The following ADAM23 variants were observed in gnomAD, a reference collection of about 807,000 sequenced individuals.
The protein encoded by ADAM23 is disintegrin and metalloproteinase domain-containing protein 23.
A neutral mutation model predicts 120.1 loss-of-function variants in ADAM23; 33 were observed. The observed-to-expected ratio is 0.27, with a 90% CI of 0.21 to 0.37. The LOEUF (loss-of-function observed/expected upper bound fraction) is 0.37, where lower values mean the gene tolerates loss of function less well. ADAM23 is among the 10% of genes least tolerant of loss of function. ADAM23 has a pLI of 1.00. For synonymous variants in ADAM23, 367 were observed against 375.2 expected (o/e 0.98, Z 0.25); for missense variants, 862 against 1,058.2 (o/e 0.81, Z 2.57).
chr2:206,508,289 G>A (rs1003604245), intron 3 of ADAM23, among the ~76,000 whole-genome samples: 3 of 152,194 alleles, frequency 2.0e-5, no homozygotes, highest in African/African-American at 7.2e-5. Context: ...GCCTCCTGAA[G>A]TGCTGGGATT....
intron 8 of ADAM23, among the ~76,000 whole-genome samples, chr2:206,549,493 G>T (rs879451946): frequency 6.6e-6 from 1 of 151,886 alleles, no homozygotes; most frequent in Non-Finnish European, 1.5e-5. Context: ...TACTCTTAAA[G>T]AATTATCTAG....
chr2:206,522,184 AT>A (rs2105790961), intron 3 of ADAM23, among the ~76,000 whole-genome samples: 1 of 152,112 alleles, frequency 6.6e-6, no homozygotes, highest in East Asian at 1.9e-4. Context: ...ACATATATAA[AT>A]AAATTCAACT....
At chr2:206,542,207 A>G in intron 5 of ADAM23, 73 bp downstream of exon 5, 10 of 1,454,442 alleles carry the variant, frequency 6.9e-6, no homozygotes, top group Non-Finnish European at 9.6e-6. Context: ...TATATATTTT[A>G]GTGACTCTTC....
At chr2:206,554,026 A>G (rs1697588550) in intron 9 of ADAM23, among the ~76,000 whole-genome samples, 1 of 152,208 alleles carries the variant, frequency 6.6e-6, no homozygotes, top group African/African-American at 2.4e-5. Context: ...CTGATCAGAA[A>G]TGTGAAAGTA....
At chr2:206,505,708 A>G (rs1313727976) in intron 3 of ADAM23, among the ~76,000 whole-genome samples, 1 of 152,152 alleles carries the variant, frequency 6.6e-6, no homozygotes, top group African/African-American at 2.4e-5. Flanking sequence ...TACCTTCAAC[A>G]TTGGGGATTA....
intron 3 of ADAM23, among the ~76,000 whole-genome samples, chr2:206,499,035 T>G (rs560240244): frequency 0.018 from 2,793 of 152,210 alleles, 35 homozygotes; most frequent in Middle Eastern, 0.034. Context: ...GGAACACTTT[T>G]ACACTGTTGG....
intron 6 of ADAM23, among the ~76,000 whole-genome samples, chr2:206,543,766 C>CACACACA (rs2105808333): frequency 6.6e-6 from 1 of 152,198 alleles, no homozygotes; most frequent in African/African-American, 2.4e-5. Flanking sequence ...CACACACACA[C>CACACACA]ACACGCACAC....
intron 13 of ADAM23, among the ~76,000 whole-genome samples, chr2:206,564,397 T>TGTTCATTCAAGTCTCTTGCTCATCCTCAC (rs1202790216): frequency 6.6e-6 from 1 of 152,242 alleles, no homozygotes; most frequent in Non-Finnish European, 1.5e-5. Context: ...TTTAGCATAG[T>TGTTCATTCAAGTCTCTTGCTCATCCTCAC]GTTCATTCAA....
intron 3 of ADAM23, among the ~76,000 whole-genome samples, chr2:206,504,313 A>G (rs1013175745): frequency 1.9e-4 from 29 of 152,260 alleles, no homozygotes; most frequent in African/African-American, 7.0e-4. Flanking sequence ...TTCTTGTTAT[A>G]TAGGTTATCA....
chr2:206,524,860 G>T (rs1696912566), intron 3 of ADAM23, among the ~76,000 whole-genome samples: 1 of 152,176 alleles, frequency 6.6e-6, no homozygotes, highest in Non-Finnish European at 1.5e-5. Flanking sequence ...GCCATGTGAA[G>T]TATGATGACA....
intron 15 of ADAM23, among the ~76,000 whole-genome samples, chr2:206,570,003 C>G (rs143223375): frequency 0.025 from 3,772 of 152,298 alleles, 74 homozygotes; most frequent in Middle Eastern, 0.041. Context: ...CCCCCCTCCC[C>G]ACTGCCCCTG....
At chr2:206,570,602 A>C (rs539631660) in intron 15 of ADAM23, 138 bp from the exon 16 acceptor site, 4 of 633,120 alleles carry the variant, frequency 6.3e-6, no homozygotes, top group Non-Finnish European at 1.1e-5. Context: ...GTCATCATTT[A>C]TAAGATGCCA....
intron 2 of ADAM23, among the ~76,000 whole-genome samples, chr2:206,447,688 A>C (rs1695110348): frequency 6.6e-6 from 1 of 152,252 alleles, no homozygotes; most frequent in South Asian, 2.1e-4. Flanking sequence ...GAAATGTTTC[A>C]GTAAGAAAGT....
At chr2:206,476,407 A>G (rs978037709) in intron 2 of ADAM23, among the ~76,000 whole-genome samples, 4 of 152,188 alleles carry the variant, frequency 2.6e-5, no homozygotes, top group Non-Finnish European at 5.9e-5. Context: ...GTGGCCGGTT[A>G]GGAACTGGGC....
chr2:206,518,970 AGG>A, intron 3 of ADAM23, among the ~76,000 whole-genome samples: 2 of 152,336 alleles, frequency 1.3e-5, no homozygotes, highest in South Asian at 4.1e-4. Context: ...AGTTTAGCCT[AGG>A]TGTATATTTA....
chr2:206,448,349 G>T (rs1422836808), intron 2 of ADAM23, among the ~76,000 whole-genome samples: 1 of 152,212 alleles, frequency 6.6e-6, no homozygotes, highest in African/African-American at 2.4e-5. Context: ...TTTCTTGCTA[G>T]CTAGGAAGTC....
chr2:206,485,156 C>T (rs992751099), intron 3 of ADAM23, among the ~76,000 whole-genome samples: 4 of 152,224 alleles, frequency 2.6e-5, no homozygotes, highest in African/African-American at 9.6e-5. Flanking sequence ...GCAAGGCTGG[C>T]ATGATGAACT....
At chr2:206,525,436 C>T (rs552569133) in intron 3 of ADAM23, among the ~76,000 whole-genome samples, 1 of 152,240 alleles carries the variant, frequency 6.6e-6, no homozygotes, top group African/African-American at 2.4e-5. Context: ...CCTTTGTGGT[C>T]CAATGTATAT....
At chr2:206,604,406 A>C (rs550839030) in intron 24 of ADAM23, among the ~76,000 whole-genome samples, 1 of 152,358 alleles carries the variant, frequency 6.6e-6, no homozygotes, top group South Asian at 2.1e-4. Flanking sequence ...GTTTGCCTCC[A>C]TAACTTGAAA....
Sources: gnomAD v4.1 joint callset for allele counts (sites outside exome capture counted in the v4.1 genomes callset) on GRCh38, gnomAD v4.1.1 for gene constraint, MANE v1.5 for transcripts, NCBI Gene and HGNC (gene_info 2026-07-23, HGNC 2026-07-21) for gene names.